Variants in DNMBP observed in about 807,000 individuals in gnomAD.
DNMBP encodes dynamin binding protein.
In DNMBP, 87 loss-of-function variants were observed where a neutral mutation model predicts 150.0. The observed-to-expected ratio is 0.58, with a 90% CI of 0.49 to 0.69. DNMBP has a LOEUF of 0.69. Among genes scored for constraint, DNMBP ranks in the 30% least tolerant of loss-of-function variants. DNMBP has a pLI of 0.00. For synonymous variants in DNMBP, 711 were observed against 750.4 expected, an observed-to-expected ratio of 0.95 and a Z score of 0.86; for missense variants, 1,774 against 1,949.0, an observed-to-expected ratio of 0.91 and a Z score of 1.69.
chr10:99,966,003 A>G (rs949064786), intron 3 of DNMBP, among the ~76,000 whole-genome samples: 3 of 152,250 alleles, frequency 2.0e-5, no homozygotes, highest in Admixed American at 2.0e-4. Context: ...TTCATTTTTT[A>G]GTGATTTTGT....
intron 4 of DNMBP, among the ~76,000 whole-genome samples, chr10:99,923,654 G>C (rs1026682261): frequency 6.6e-6 from 1 of 152,088 alleles, no homozygotes; most frequent in East Asian, 1.9e-4. Flanking sequence ...TGGCGTCTAA[G>C]ATTTCAGTAC....
At chr10:99,896,839 T>A (rs1045184488) in intron 9 of DNMBP, among the ~76,000 whole-genome samples, 1 of 152,216 alleles carries the variant, frequency 6.6e-6, no homozygotes, top group Non-Finnish European at 1.5e-5. Flanking sequence ...CAGCAGTAAT[T>A]TAATTACCAT....
chr10:99,991,634 G>T (rs1289072348), intron 1 of DNMBP, among the ~76,000 whole-genome samples: 22 of 151,396 alleles, frequency 1.5e-4, no homozygotes, highest in South Asian at 2.1e-4. Context: ...ATTGTGCTAA[G>T]AAGCCAATCA....
chr10:99,955,169 TGTGA>T (rs1320410339), intron 4 of DNMBP, 41 bp downstream of exon 4: 5 of 1,549,804 alleles, frequency 3.2e-6, no homozygotes, highest in Non-Finnish European at 4.4e-6. Context: ...TTCTGGGACT[TGTGA>T]GTGTCAAGAA....
chr10:100,009,484 T>C (rs1308995534), intron 1 of DNMBP, among the ~76,000 whole-genome samples: 1 of 152,252 alleles, frequency 6.6e-6, no homozygotes, highest in Non-Finnish European at 1.5e-5. Flanking sequence ...AGAATTCTTT[T>C]TCCAGCTCTC....
At position 99,916,266 on chromosome 10, in the gene DNMBP, C is replaced by T. The variant is rs930980645; in HGVS notation, c.2261-7120G>A. Among the ~76,000 whole-genome samples the T allele has an allele frequency of 3.3e-5, 5 of 152,280 alleles. No individual in the cohort carries two copies. The East Asian group carries it at 9.7e-4, about 29-fold the overall frequency. ...TCACCTGAGGTGAGGAGTTTGAGAC[C>T]AGCCTGGCCAACATGGTGAAACTCT... On this transcript the variant is annotated intron_variant, in intron 4 of 16. Transcript: ENST00000324109.
At chr10:99,893,044 C>T (rs978915093) in intron 11 of DNMBP, among the ~76,000 whole-genome samples, 4 of 152,122 alleles carry the variant, frequency 2.6e-5, no homozygotes, top group Non-Finnish European at 5.9e-5. Flanking sequence ...ATGATATAGA[C>T]ATATAAGAAT....
intron 3 of DNMBP, among the ~76,000 whole-genome samples, chr10:99,962,638 A>AC (rs1244381053): frequency 6.6e-6 from 1 of 152,068 alleles, no homozygotes; most frequent in Non-Finnish European, 1.5e-5. Flanking sequence ...CTCAAAAAAA[A>AC]AAACAAACAA....
rs2039342408 is a variant in DNMBP at position 99,880,122 on chromosome 10, A to G, written c.4237T>C (p.Cys1413Arg). 6.2e-7 allele frequency: 1 copy of G among 1,614,164 alleles called. No individual in the cohort carries two copies. The highest frequency in any genetic ancestry group is 8.5e-7 in the Non-Finnish European group (1 of 1,180,016). Residue 1413 changes from cysteine (C) to arginine (R), a missense_variant, in exon 16 of 17, where the codon TGT (cysteine) becomes CGT (arginine). By Grantham distance (180) the Cys-to-Arg change is radical (BLOSUM62 -3). Around this residue, in one of 2 missense-constraint regions of DNMBP, gnomAD observed 1,430 missense variants for 1,492.5 expected, o/e 0.96. Coordinates refer to ENST00000324109, the MANE Select transcript of DNMBP (RefSeq NM_015221.4). ...PQDASPPPKECDQGTLSASLN... is the reference protein window; with the variant it reads ...PQDASPPPKERDQGTLSASLN... ...GATGCACTGAGAGTTCCTTGGTCAC[A>G]TTCTTTTGGCGGAGGAGATGCATCT...
At chr10:99,879,051 C>T (rs1343090143) in intron 16 of DNMBP, among the ~76,000 whole-genome samples, 1 of 125,830 alleles carries the variant, frequency 7.9e-6, no homozygotes, top group Non-Finnish European at 1.6e-5. Flanking sequence ...CGCCACTGCA[C>T]TCCAGCCTGG....
intron 3 of DNMBP, 75 bp from the exon 4 acceptor site, chr10:99,957,280 C>T: frequency 7.6e-7 from 1 of 1,319,010 alleles, no homozygotes; most frequent in Non-Finnish European, 1.0e-6. Context: ...ATAGTGCAAC[C>T]TCTCATTTTA....
chr10:99,952,205 T>C (rs2040432039), intron 4 of DNMBP, among the ~76,000 whole-genome samples: 1 of 152,222 alleles, frequency 6.6e-6, no homozygotes, highest in African/African-American at 2.4e-5. Context: ...GAATTGTAAG[T>C]CCATTAAACC....
At chr10:99,945,775 T>C (rs143513834) in intron 4 of DNMBP, among the ~76,000 whole-genome samples, 12 of 152,342 alleles carry the variant, frequency 7.9e-5, no homozygotes, top group African/African-American at 2.9e-4. Context: ...GATGTGAATA[T>C]TGCTGTGAAA....
At chr10:99,999,641 A>G (rs1473770281) in intron 1 of DNMBP, among the ~76,000 whole-genome samples, 4 of 152,180 alleles carry the variant, frequency 2.6e-5, no homozygotes, top group Admixed American at 2.6e-4. Context: ...TAAGTATTCT[A>G]TTTTGTTATT....
rs1326707542 is a variant in DNMBP at position 100,009,935 on chromosome 10, G to A, written c.-108C>T. The A allele has an allele frequency of 6.7e-6, 1 of 148,226 alleles. No homozygotes were observed. The highest frequency in any genetic ancestry group is 1.5e-5 in the Non-Finnish European group (1 of 66,432). The allele number at this position is 148,226 out of a possible 1,614,324, so 9.2% of individuals were successfully genotyped here. On this transcript the variant is annotated 5_prime_UTR_variant, in exon 1 of 17. Transcript: ENST00000324109. ...CTCCGCCCCTGGAAGCGGCGGGCGG[G>A]TCGATCCCGTGTGAGTCAGCGCGCC...
At chr10:99,963,883 G>C (rs569769775) in intron 3 of DNMBP, among the ~76,000 whole-genome samples, 2 of 151,702 alleles carry the variant, frequency 1.3e-5, no homozygotes, top group African/African-American at 4.8e-5. Flanking sequence ...GTTTCCATAC[G>C]AGCCATGTCA....
intron 6 of DNMBP, among the ~76,000 whole-genome samples, chr10:99,901,910 T>A (rs1456814575): frequency 2.6e-5 from 4 of 152,064 alleles, no homozygotes; most frequent in Non-Finnish European, 5.9e-5. Flanking sequence ...AACTTTTTTT[T>A]TTCCTTTTTT....
chr10:99,953,744 G>C (rs147766143), intron 4 of DNMBP, among the ~76,000 whole-genome samples: 2 of 150,900 alleles, frequency 1.3e-5, no homozygotes, highest in African/African-American at 4.9e-5. Flanking sequence ...ACTTGAACCC[G>C]GGAGGCACAG....
At chr10:100,002,004 C>T (rs2041018682) in intron 1 of DNMBP, among the ~76,000 whole-genome samples, 2 of 152,100 alleles carry the variant, frequency 1.3e-5, no homozygotes, top group Non-Finnish European at 2.9e-5. Context: ...AAGCTATCAC[C>T]CCACTGCTAC....
Sources: gnomAD v4.1 joint callset for allele counts (sites outside exome capture counted in the v4.1 genomes callset) on GRCh38, gnomAD v4.1.1 for gene constraint, gnomAD v4.1.1 regional missense constraint, MANE v1.5 for transcripts, NCBI Gene and HGNC (gene_info 2026-07-23, HGNC 2026-07-21) for gene names.